The following MEI4 variants were observed in gnomAD, a reference collection of about 807,000 sequenced individuals.
MEI4 encodes meiosis-specific protein MEI4.
In MEI4, 27 loss-of-function variants were observed where a neutral mutation model predicts 31.4. That is an observed-to-expected ratio of 0.86 (90% CI 0.63 to 1.19). The LOEUF is 1.19. MEI4 is among the 50% of genes most tolerant of loss of function. The pLI is 0.00. For synonymous variants in MEI4, 122 were observed against 145.4 expected (o/e 0.84, Z 1.16); for missense variants, 329 against 398.9 (o/e 0.82, Z 1.49).
chr6:77,887,457 C>A (rs531927045), intron 4 of MEI4, among the ~76,000 whole-genome samples: 1 of 151,828 alleles, frequency 6.6e-6, no homozygotes, highest in African/African-American at 2.4e-5. Context: ...CCACCACACC[C>A]GGCTAATTTT....
chr6:77,711,007 T>C (rs1375195707), intron 2 of MEI4, among the ~76,000 whole-genome samples: 1 of 152,224 alleles, frequency 6.6e-6, no homozygotes, highest in Non-Finnish European at 1.5e-5. Flanking sequence ...GGAACCCCCA[T>C]TCTATTTTCT....
At chr6:77,741,745 A>C (rs1304458905) in intron 2 of MEI4, among the ~76,000 whole-genome samples, 1 of 147,148 alleles carries the variant, frequency 6.8e-6, no homozygotes. Flanking sequence ...CATTAGGCAT[A>C]TCTCCTAATG....
chr6:77,892,953 G>C (rs1450822488), intron 4 of MEI4, among the ~76,000 whole-genome samples: 1 of 152,054 alleles, frequency 6.6e-6, no homozygotes, highest in Non-Finnish European at 1.5e-5. Context: ...GGGCCCACAA[G>C]GGCTTAGGAA....
At chr6:77,749,912 G>T (rs561797378) in intron 2 of MEI4, among the ~76,000 whole-genome samples, 3 of 152,294 alleles carry the variant, frequency 2.0e-5, no homozygotes, top group African/African-American at 7.2e-5. Context: ...CAGACTAACA[G>T]CAGATCTCTC....
intron 1 of MEI4, among the ~76,000 whole-genome samples, chr6:77,680,155 T>G (rs1188835746): frequency 3.7e-5 from 4 of 108,012 alleles, no homozygotes; most frequent in East Asian, 5.9e-4. Context: ...GGCGGGCGCC[T>G]GTAGTCCCAG....
At chr6:77,892,486 T>C (rs1396539669) in intron 4 of MEI4, among the ~76,000 whole-genome samples, 1 of 152,024 alleles carries the variant, frequency 6.6e-6, no homozygotes, top group Non-Finnish European at 1.5e-5. Context: ...TGGTAACAGT[T>C]GGTGGTACAG....
At chr6:77,682,591 G>A (rs1160917264) in intron 1 of MEI4, among the ~76,000 whole-genome samples, 2 of 152,154 alleles carry the variant, frequency 1.3e-5, no homozygotes, top group Non-Finnish European at 2.9e-5. Context: ...TTCCTAGTAT[G>A]TAATTGACCA....
At chr6:77,710,383 G>A (rs1435741328) in intron 2 of MEI4, among the ~76,000 whole-genome samples, 1 of 151,860 alleles carries the variant, frequency 6.6e-6, no homozygotes, top group Non-Finnish European at 1.5e-5. Context: ...TTAGCTGGGT[G>A]TGGTGGTGCG....
intron 4 of MEI4, among the ~76,000 whole-genome samples, chr6:77,845,052 G>A (rs566144909): frequency 6.6e-6 from 1 of 152,232 alleles, no homozygotes; most frequent in Admixed American, 6.5e-5. Context: ...CTTGCCCTGT[G>A]AGTCTTTTTT....
rs142994374 is a variant in MEI4, at chr6:77,668,846, C to T, written c.-15+15754C>T. Among the ~76,000 whole-genome samples, 27 of 152,268 alleles carry T rather than the reference C, an allele frequency of 1.8e-4. 1 individual carries two copies. In the East Asian group the frequency reaches 3.9e-3, roughly 22 times the overall value. ...CTTTCTAAGAGCAATGAGCATCCCA[C>T]GGCAGAAGTAAAGCATAGTGATATT... On this transcript the variant is annotated intron_variant, in intron 1 of 4. Coordinates refer to ENST00000684080, the MANE Select transcript of MEI4 (RefSeq NM_001322247.2).
At chr6:77,837,854 A>G (rs1770258896) in intron 4 of MEI4, among the ~76,000 whole-genome samples, 1 of 152,166 alleles carries the variant, frequency 6.6e-6, no homozygotes, top group South Asian at 2.1e-4. Context: ...TGATTTTTTA[A>G]AAGGTGCTTA....
At chr6:77,907,261 A>G (rs921413797) in intron 4 of MEI4, among the ~76,000 whole-genome samples, 1 of 152,024 alleles carries the variant, frequency 6.6e-6, no homozygotes, top group Non-Finnish European at 1.5e-5. Flanking sequence ...AACATTAGGT[A>G]TATCTCCAAA....
At chr6:77,911,288 AT>A (rs1562035530) in intron 4 of MEI4, among the ~76,000 whole-genome samples, 1 of 151,864 alleles carries the variant, frequency 6.6e-6, no homozygotes, top group Non-Finnish European at 1.5e-5. Flanking sequence ...CAATTCAACT[AT>A]TTTTTTGTTT....
chr6:77,845,633 A>G (rs766568253), intron 4 of MEI4, among the ~76,000 whole-genome samples: 3 of 151,914 alleles, frequency 2.0e-5, no homozygotes, highest in Non-Finnish European at 2.9e-5. Flanking sequence ...TATGTACTTC[A>G]TTTTCACATA....
At chr6:77,798,851 C>T (rs1177002681) in intron 3 of MEI4, among the ~76,000 whole-genome samples, 1 of 151,850 alleles carries the variant, frequency 6.6e-6, no homozygotes, top group African/African-American at 2.4e-5. Context: ...CGTAGTATTC[C>T]ATGGTGTATA....
At chr6:77,732,403 G>A (rs1254190950) in intron 2 of MEI4, among the ~76,000 whole-genome samples, 1 of 152,016 alleles carries the variant, frequency 6.6e-6, no homozygotes, top group Non-Finnish European at 1.5e-5. Context: ...GTGAATGGGA[G>A]TTCACTCATG....
At chr6:77,695,575 G>A (rs1222658110) in intron 2 of MEI4, among the ~76,000 whole-genome samples, 2 of 152,166 alleles carry the variant, frequency 1.3e-5, no homozygotes, top group Admixed American at 6.5e-5. Context: ...GATAGTTGTA[G>A]ATATGTGGCA....
intron 4 of MEI4, among the ~76,000 whole-genome samples, chr6:77,841,353 T>TTTC: frequency 1.6e-5 from 2 of 129,010 alleles, no homozygotes; most frequent in Non-Finnish European, 3.2e-5. Flanking sequence ...TTTTTTTTTT[T>TTTC]TTTGAGATGG....
At chr6:77,799,416 G>A (rs1408465355) in intron 3 of MEI4, among the ~76,000 whole-genome samples, 2 of 152,100 alleles carry the variant, frequency 1.3e-5, no homozygotes, top group African/African-American at 2.4e-5. Flanking sequence ...TGAGTAGGTT[G>A]TGAAAATTTT....
Sources: gnomAD v4.1 joint callset for allele counts (sites outside exome capture counted in the v4.1 genomes callset) on GRCh38, gnomAD v4.1.1 for gene constraint, MANE v1.5 for transcripts, NCBI Gene and HGNC (gene_info 2026-07-23, HGNC 2026-07-21) for gene names.